The following COL23A1 variants were observed in gnomAD, a reference collection of about 807,000 sequenced individuals.
COL23A1 encodes the protein collagen alpha-1(XXIII) chain.
A neutral mutation model predicts 99.3 loss-of-function variants in COL23A1; 97 were observed. The ratio of observed to expected loss-of-function variants is 0.98; its 90% CI spans 0.83 to 1.16. The LOEUF (loss-of-function observed/expected upper bound fraction) is 1.16. COL23A1 is among the 50% of genes most tolerant of loss of function. COL23A1 has a pLI of 0.00. For missense variants in COL23A1, 762 were observed against 757.4 expected (o/e 1.01, Z -0.07); for synonymous variants, 320 against 308.2 (o/e 1.04, Z -0.40).
intron 2 of COL23A1, among the ~76,000 whole-genome samples, chr5:178,427,278 G>C (rs112578042): frequency 0.12 from 18,822 of 152,150 alleles, 2,540 homozygotes; most frequent in East Asian, 0.55. Flanking sequence ...CCAGATGCTG[G>C]CAGGGATGTG....
intron 2 of COL23A1, among the ~76,000 whole-genome samples, chr5:178,343,945 G>A (rs912959296): frequency 2.8e-4 from 43 of 152,240 alleles, no homozygotes; most frequent in Admixed American, 2.2e-3. Context: ...ACAGGCGTGA[G>A]CCACCGTACC....
At chr5:178,467,268 C>T (rs961780329) in intron 2 of COL23A1, among the ~76,000 whole-genome samples, 2 of 152,184 alleles carry the variant, frequency 1.3e-5, no homozygotes, top group Non-Finnish European at 2.9e-5. Context: ...AGGTCTGGGA[C>T]GCTGACCTCT....
At chr5:178,567,233 C>T (rs1762882373) in intron 1 of COL23A1, among the ~76,000 whole-genome samples, 1 of 152,174 alleles carries the variant, frequency 6.6e-6, no homozygotes, top group Admixed American at 6.5e-5. Flanking sequence ...CAGTCATACC[C>T]TAGTAGTAAC....
chr5:178,525,726 C>T (rs944495087), intron 2 of COL23A1, among the ~76,000 whole-genome samples: 1 of 143,578 alleles, frequency 7.0e-6, no homozygotes, highest in African/African-American at 2.5e-5. Context: ...AGCGCGCAGA[C>T]CCCAGGACCC....
chr5:178,446,930 T>C (rs1376381845), intron 2 of COL23A1, among the ~76,000 whole-genome samples: 1 of 152,124 alleles, frequency 6.6e-6, no homozygotes, highest in Admixed American at 6.5e-5. Context: ...AAAATGATTG[T>C]TTATAAACTC....
intron 2 of COL23A1, among the ~76,000 whole-genome samples, chr5:178,418,626 G>A (rs1765435427): frequency 1.3e-5 from 2 of 150,482 alleles, no homozygotes; most frequent in Admixed American, 6.6e-5. Flanking sequence ...CCTTTCACCA[G>A]CCTCCCAGCC....
intron 2 of COL23A1, among the ~76,000 whole-genome samples, chr5:178,323,527 CGCAGA>C (rs1380666087): frequency 2.0e-5 from 3 of 151,988 alleles, no homozygotes; most frequent in Non-Finnish European, 4.4e-5. Flanking sequence ...TTGGGCTAAC[CGCAGA>C]GGGTCCTTCC....
intron 2 of COL23A1, among the ~76,000 whole-genome samples, chr5:178,333,440 CAGG>C (rs1235920743): frequency 2.0e-5 from 3 of 152,116 alleles, no homozygotes; most frequent in African/African-American, 7.2e-5. Context: ...TCCCTGCATG[CAGG>C]GACCCACAGT....
intron 7 of COL23A1, among the ~76,000 whole-genome samples, chr5:178,267,896 G>A (rs1435330636): frequency 2.0e-5 from 3 of 152,180 alleles, no homozygotes; most frequent in Non-Finnish European, 2.9e-5. Context: ...CTGTGGCTCC[G>A]TGAGATTGGT....
rs1006812809 is a variant in COL23A1 at position 178,425,315 on chromosome 5, G to A, written c.362-118396C>T. ...CTTATGACTGTACTCCCAGCTACTC[G>A]GGAGGCTGAGGCAGGAGAATCGCTT... On this transcript the variant is annotated intron_variant, in intron 2 of 28. Transcript: ENST00000390654. 2.2e-4 allele frequency among the ~76,000 whole-genome samples: 33 copies of A among 152,024 alleles called. No individual in the cohort carries two copies. In the East Asian group the frequency reaches 2.9e-3, roughly 13 times the overall value.
chr5:178,295,408 T>C (rs1359667515), intron 3 of COL23A1, among the ~76,000 whole-genome samples: 3 of 152,212 alleles, frequency 2.0e-5, no homozygotes, highest in East Asian at 1.9e-4. Flanking sequence ...TAAGTGCTAA[T>C]CTTCATTCAT....
At chr5:178,263,571 C>T (rs1039602962) in intron 8 of COL23A1, among the ~76,000 whole-genome samples, 10 of 152,208 alleles carry the variant, frequency 6.6e-5, no homozygotes, top group African/African-American at 7.2e-5. Context: ...AGCTCTCCAG[C>T]GCCTGAAGCC....
At chr5:178,293,304 C>T (rs1757561785) in intron 3 of COL23A1, among the ~76,000 whole-genome samples, 1 of 151,956 alleles carries the variant, frequency 6.6e-6, no homozygotes. Flanking sequence ...TTGGCGCTGG[C>T]ACAGATGGGG....
chr5:178,249,714 A>ACACACACACACACACACT (rs1285035339), intron 18 of COL23A1, among the ~76,000 whole-genome samples: 1 of 116,214 alleles, frequency 8.6e-6, no homozygotes, highest in Non-Finnish European at 1.8e-5. Flanking sequence ...ACACACACAC[A>ACACACACACACACACACT]CACTCTCTCT....
intron 11 of COL23A1, 83 bp downstream of exon 11, chr5:178,261,639 G>T (rs947571009): frequency 4.3e-6 from 4 of 930,690 alleles, no homozygotes; most frequent in Non-Finnish European, 7.1e-6. Context: ...GGGGTGGGGG[G>T]AAGAGACAGG....
rs560597778 is a variant in COL23A1 at position 178,349,842 on chromosome 5, C to T, written c.362-42923G>A. Among the ~76,000 whole-genome samples the T allele has an allele frequency of 2.0e-4, 30 of 146,656 alleles. 1 individual carries two copies. Among genetic ancestry groups the T allele is most frequent in the East Asian group, 1.7e-3 (8 of 4,784 alleles). On this transcript the variant is annotated intron_variant, in intron 2 of 28. Coordinates refer to ENST00000390654, the MANE Select transcript of COL23A1 (RefSeq NM_173465.4). Reference sequence around the variant, plus strand: ...CTAGTGGGTGTGATCTAGAGGAGGCCGCCCCCTGCAGTGGCCCCTGACTGG... The same window carrying T: ...CTAGTGGGTGTGATCTAGAGGAGGCTGCCCCCTGCAGTGGCCCCTGACTGG...
At chr5:178,386,405 C>A (rs1763675733) in intron 2 of COL23A1, among the ~76,000 whole-genome samples, 1 of 151,564 alleles carries the variant, frequency 6.6e-6, no homozygotes, top group South Asian at 2.1e-4. Flanking sequence ...CACCGCTGCA[C>A]TCCAGCTTGG....
chr5:178,486,951 C>T (rs912253356), intron 2 of COL23A1, among the ~76,000 whole-genome samples: 1 of 152,262 alleles, frequency 6.6e-6, no homozygotes, highest in Non-Finnish European at 1.5e-5. Flanking sequence ...CTGCACCCCA[C>T]CCTCGGCCAC....
At chr5:178,559,971 G>A (rs531442382) in intron 2 of COL23A1, among the ~76,000 whole-genome samples, 1 of 152,282 alleles carries the variant, frequency 6.6e-6, no homozygotes, top group South Asian at 2.1e-4. Context: ...CTCATCCACT[G>A]GTATCAGACA....
Sources: allele counts gnomAD v4.1 joint callset (sites outside exome capture counted in the v4.1 genomes callset), GRCh38; gene constraint gnomAD v4.1.1; transcripts MANE v1.5; gene names NCBI Gene and HGNC (gene_info 2026-07-23, HGNC 2026-07-21).